The following BACH2 variants were observed in gnomAD, a reference collection of about 807,000 sequenced individuals.
BACH2 encodes the protein BACH transcriptional regulator 2, also known as transcription regulator protein BACH2.
BACH2 carries 5 observed loss-of-function variants against 61.8 expected under a neutral mutation model. The observed-to-expected ratio is 0.08, with a 90% CI of 0.04 to 0.17. BACH2 has a LOEUF of 0.17. Ranked by LOEUF, BACH2 falls within the 10% of genes least tolerant of loss-of-function variation. The pLI, the probability that BACH2 is intolerant of heterozygous loss-of-function variation, is 1.00. For missense variants in BACH2, 824 were observed against 1,091.1 expected (o/e 0.76, Z 3.45); for synonymous variants, 446 against 440.1 (o/e 1.01, Z -0.17).
intron 2 of BACH2, among the ~76,000 whole-genome samples, chr6:90,261,606 G>A (rs2127875745): frequency 6.6e-6 from 1 of 152,126 alleles, no homozygotes; most frequent in Middle Eastern, 3.4e-3. Context: ...CCTGCTTTGG[G>A]TTCGTGGAGC....
chr6:90,034,516 A>G (rs1343067845), intron 5 of BACH2, among the ~76,000 whole-genome samples: 1 of 152,040 alleles, frequency 6.6e-6, no homozygotes, highest in African/African-American at 2.4e-5. Flanking sequence ...CATTAGCACA[A>G]AAATAGGAAT....
At chr6:90,193,460 C>G (rs1268819387) in intron 4 of BACH2, among the ~76,000 whole-genome samples, 1 of 152,170 alleles carries the variant, frequency 6.6e-6, no homozygotes, top group African/African-American at 2.4e-5. Context: ...GCCTCACAGT[C>G]CGCAGAAGAA....
intron 4 of BACH2, among the ~76,000 whole-genome samples, chr6:90,103,029 A>ATATATATTTT: frequency 2.4e-4 from 5 of 21,164 alleles, no homozygotes; most frequent in African/African-American, 4.8e-4. Flanking sequence ...ATATATATAT[A>ATATATATTTT]TTTTTTTTTT....
At chr6:90,269,561 A>G (rs1289083051) in intron 2 of BACH2, among the ~76,000 whole-genome samples, 2 of 152,190 alleles carry the variant, frequency 1.3e-5, no homozygotes, top group Admixed American at 1.3e-4. Flanking sequence ...TGAAATAAGG[A>G]AATCCTGGAT....
chr6:90,180,227 T>C (rs1208146810), intron 4 of BACH2, among the ~76,000 whole-genome samples: 1 of 152,094 alleles, frequency 6.6e-6, no homozygotes. Flanking sequence ...ATAAAAACTA[T>C]TATGCACAAA....
intron 5 of BACH2, among the ~76,000 whole-genome samples, chr6:90,034,424 CTG>C (rs920646999): frequency 2.9e-4 from 44 of 152,254 alleles, no homozygotes; most frequent in Admixed American, 1.4e-3. Context: ...ACTCAGCACA[CTG>C]TACATTTTCC....
At chr6:90,028,160 A>G (rs1334000559) in intron 5 of BACH2, among the ~76,000 whole-genome samples, 2 of 152,238 alleles carry the variant, frequency 1.3e-5, no homozygotes, top group African/African-American at 4.8e-5. Context: ...AAGGCAACAG[A>G]TCTGAGACCT....
intron 4 of BACH2, among the ~76,000 whole-genome samples, chr6:90,120,982 G>A (rs985096146): frequency 4.6e-5 from 7 of 152,180 alleles, no homozygotes; most frequent in Non-Finnish European, 7.4e-5. Context: ...GAGGAAATCT[G>A]CCATTGAATT....
intron 6 of BACH2, among the ~76,000 whole-genome samples, chr6:89,957,595 G>T (rs1774494814): frequency 6.6e-6 from 1 of 152,166 alleles, no homozygotes; most frequent in Non-Finnish European, 1.5e-5. Context: ...CTGGAGTGCA[G>T]TGGCATGATC....
intron 6 of BACH2, among the ~76,000 whole-genome samples, chr6:90,005,485 T>C (rs1172947536): frequency 6.6e-6 from 1 of 152,244 alleles, no homozygotes; most frequent in Non-Finnish European, 1.5e-5. Context: ...TCTAAGGTAG[T>C]ATTTAGAATG....
At chr6:90,028,692 A>G (rs1045271157) in intron 5 of BACH2, among the ~76,000 whole-genome samples, 29 of 152,336 alleles carry the variant, frequency 1.9e-4, no homozygotes, top group African/African-American at 6.7e-4. Flanking sequence ...CTCCTGGAGA[A>G]TAGTAAGCAC....
chr6:90,140,745 A>C (rs546305701), intron 4 of BACH2, among the ~76,000 whole-genome samples: 3 of 152,354 alleles, frequency 2.0e-5, no homozygotes, highest in South Asian at 4.1e-4. Flanking sequence ...CATGCTAAAG[A>C]GTTACTTTGA....
At chr6:90,034,940 G>A (rs760342799) in intron 5 of BACH2, among the ~76,000 whole-genome samples, 1 of 152,064 alleles carries the variant, frequency 6.6e-6, no homozygotes, top group Non-Finnish European at 1.5e-5. Flanking sequence ...AAGACAATAT[G>A]TAGGAATACA....
intron 5 of BACH2, chr6:90,062,959 T>C: frequency 3.1e-6 from 3 of 982,312 alleles, no homozygotes; most frequent in Non-Finnish European, 2.4e-6. Context: ...TTTTTCTTCT[T>C]TTACCTGGCA....
At position 89,940,610 on chromosome 6, in the gene BACH2, C is replaced by A. The variant is rs182942201; in HGVS notation, c.1837-2260G>T. On this transcript the variant is annotated intron_variant, in intron 7 of 8. Coordinates refer to ENST00000257749, the MANE Select transcript of BACH2 (RefSeq NM_021813.4). ...ATTGCTTCATTCTTGTTTACATTCACGTCTGCTCCGGATGAGCCAGCAGAT... is the reference window on the plus strand; with the variant it reads ...ATTGCTTCATTCTTGTTTACATTCAAGTCTGCTCCGGATGAGCCAGCAGAT... Among the ~76,000 whole-genome samples the A allele has an allele frequency of 1.4e-3, 211 of 152,326 alleles. 1 individual carries two copies. Among genetic ancestry groups the A allele is most frequent in the African/African-American group, 4.5e-3 (188 of 41,578 alleles).
At chr6:90,137,620 C>CATTCTTATTCAAGTTTGTGGTTAACT (rs1244625880) in intron 4 of BACH2, among the ~76,000 whole-genome samples, 1 of 152,200 alleles carries the variant, frequency 6.6e-6, no homozygotes, top group Non-Finnish European at 1.5e-5. Context: ...TGGACAAACA[C>CATTCTTATTCAAGTTTGTGGTTAACT]ATTCTTATTC....
chr6:90,030,199 A>G (rs1358357362), intron 5 of BACH2, among the ~76,000 whole-genome samples: 6 of 152,148 alleles, frequency 3.9e-5, no homozygotes, highest in Admixed American at 3.9e-4. Flanking sequence ...ACTGCCAAAC[A>G]GAGGACCAAT....
chr6:90,165,170 A>G (rs1250740702), intron 4 of BACH2, among the ~76,000 whole-genome samples: 7 of 152,232 alleles, frequency 4.6e-5, no homozygotes, highest in African/African-American at 1.7e-4. Context: ...AAACCCCATC[A>G]TCTCAGCACA....
chr6:90,286,812 T>C (rs1033695604), intron 1 of BACH2, among the ~76,000 whole-genome samples: 6 of 152,054 alleles, frequency 3.9e-5, no homozygotes, highest in African/African-American at 1.4e-4. Flanking sequence ...TTAAGTACTG[T>C]TTTGTTCTCC....
Sources: gnomAD v4.1 joint callset for allele counts (sites outside exome capture counted in the v4.1 genomes callset) on GRCh38, gnomAD v4.1.1 for gene constraint, MANE v1.5 for transcripts, NCBI Gene and HGNC (gene_info 2026-07-23, HGNC 2026-07-21) for gene names.